Variants in GULP1 observed in about 807,000 individuals in gnomAD.
The protein encoded by GULP1 is GULP PTB domain containing engulfment adaptor 1.
GULP1 carries 19 observed loss-of-function variants against 40.9 expected under a neutral mutation model. The observed-to-expected ratio is 0.46, with a 90% confidence interval of 0.32 to 0.68. The LOEUF is 0.68. GULP1 is among the 30% of genes least tolerant of loss of function. GULP1 has a pLI of 0.03. For missense variants in GULP1, 312 were observed against 362.2 expected, an observed-to-expected ratio of 0.86 and a Z score of 1.12; for synonymous variants, 119 against 117.6, an observed-to-expected ratio of 1.01 and a Z score of -0.08.
intron 1 of GULP1, among the ~76,000 whole-genome samples, chr2:188,315,829 A>T (rs999449913): frequency 6.6e-6 from 1 of 152,134 alleles, no homozygotes; most frequent in African/African-American, 2.4e-5. Flanking sequence ...CGGTAATAAA[A>T]GTTATATGAA....
chr2:188,584,510 T>G (rs1447058197), intron 10 of GULP1, 107 bp downstream of exon 10: 4 of 470,230 alleles, frequency 8.5e-6, no homozygotes, highest in Admixed American at 8.0e-5. Flanking sequence ...TTACTTACAA[T>G]TTTAATTATT....
intron 2 of GULP1, among the ~76,000 whole-genome samples, chr2:188,427,653 T>C (rs2056379292): frequency 6.6e-6 from 1 of 152,364 alleles, no homozygotes; most frequent in South Asian, 2.1e-4. Context: ...AGCAGGTATA[T>C]ACAGTCTTAA....
At chr2:188,546,142 A>G (rs1157593455) in intron 7 of GULP1, among the ~76,000 whole-genome samples, 2 of 152,020 alleles carry the variant, frequency 1.3e-5, no homozygotes, top group Non-Finnish European at 2.9e-5. Flanking sequence ...TCGAAATTTT[A>G]CTGGCACTTT....
At chr2:188,409,854 A>G (rs1352429422) in intron 2 of GULP1, among the ~76,000 whole-genome samples, 3 of 152,208 alleles carry the variant, frequency 2.0e-5, no homozygotes, top group African/African-American at 7.2e-5. Context: ...AACAGAATGA[A>G]ATCCCTATGA....
chr2:188,302,679 G>A (rs1200054116), intron 1 of GULP1, among the ~76,000 whole-genome samples: 1 of 152,184 alleles, frequency 6.6e-6, no homozygotes, highest in African/African-American at 2.4e-5. Context: ...TCAGGCTCTT[G>A]TGCGTCCTCT....
intron 4 of GULP1, among the ~76,000 whole-genome samples, chr2:188,513,190 A>G (rs1057428829): frequency 2.0e-5 from 3 of 152,166 alleles, no homozygotes; most frequent in African/African-American, 7.2e-5. Flanking sequence ...GACATTTACT[A>G]GTTTGTAAAA....
chr2:188,509,213 C>G (rs752344009), intron 4 of GULP1, among the ~76,000 whole-genome samples: 2 of 152,066 alleles, frequency 1.3e-5, no homozygotes, highest in African/African-American at 4.8e-5. Context: ...CCTAGTGGCT[C>G]TGTAGGAGGC....
intron 4 of GULP1, among the ~76,000 whole-genome samples, chr2:188,501,746 G>A (rs1049511167): frequency 9.2e-5 from 14 of 152,062 alleles, no homozygotes; most frequent in African/African-American, 2.6e-4. Flanking sequence ...ACTACACAGC[G>A]TCTTAGAAAA....
At chr2:188,462,293 G>T (rs1303480039) in intron 2 of GULP1, among the ~76,000 whole-genome samples, 1 of 152,058 alleles carries the variant, frequency 6.6e-6, no homozygotes, top group Non-Finnish European at 1.5e-5. Flanking sequence ...AGAGATGCTT[G>T]ATATTATTTC....
chr2:188,422,424 A>T (rs998112695), intron 2 of GULP1, among the ~76,000 whole-genome samples: 1 of 151,234 alleles, frequency 6.6e-6, no homozygotes, highest in Non-Finnish European at 1.5e-5. Flanking sequence ...ATATATATTC[A>T]TAATTAAATT....
chr2:188,470,279 G>A (rs1018341914), intron 2 of GULP1, among the ~76,000 whole-genome samples: 6 of 151,992 alleles, frequency 3.9e-5, no homozygotes, highest in African/African-American at 1.2e-4. Flanking sequence ...TGGTTCAATC[G>A]TGATACATTT....
At chr2:188,395,904 T>G (rs1435179662) in intron 2 of GULP1, among the ~76,000 whole-genome samples, 1 of 152,158 alleles carries the variant, frequency 6.6e-6, no homozygotes, top group East Asian at 1.9e-4. Flanking sequence ...TTATTGATTA[T>G]AAATAGCCTT....
intron 2 of GULP1, among the ~76,000 whole-genome samples, chr2:188,476,840 C>A (rs1409564935): frequency 6.6e-6 from 1 of 152,050 alleles, no homozygotes; most frequent in African/African-American, 2.4e-5. Flanking sequence ...TCTTCTTAGA[C>A]CTTAATGTGA....
chr2:188,456,769 G>A (rs893535729), intron 2 of GULP1, among the ~76,000 whole-genome samples: 4 of 152,070 alleles, frequency 2.6e-5, no homozygotes, highest in Admixed American at 6.5e-5. Context: ...AGCTTGTACC[G>A]TGCACCTGGA....
intron 1 of GULP1, among the ~76,000 whole-genome samples, chr2:188,362,741 G>A (rs1574730721): frequency 6.6e-6 from 1 of 152,030 alleles, no homozygotes; most frequent in East Asian, 1.9e-4. Context: ...TATGGGTGTA[G>A]ATCCTTTCCA....
intron 5 of GULP1, among the ~76,000 whole-genome samples, chr2:188,523,469 C>T (rs933460579): frequency 2.0e-4 from 31 of 152,216 alleles, no homozygotes; most frequent in African/African-American, 7.2e-4. Context: ...TCTCGAAGGA[C>T]ATTGTTGTCA....
chr2:188,390,552 C>T (rs1284476734), intron 2 of GULP1, among the ~76,000 whole-genome samples: 1 of 152,028 alleles, frequency 6.6e-6, no homozygotes, highest in African/African-American at 2.4e-5. Flanking sequence ...TATTTTCTCC[C>T]ATTCTATGTG....
chr2:188,398,222 G>GTGC (rs1317440508), intron 2 of GULP1, among the ~76,000 whole-genome samples: 1 of 152,214 alleles, frequency 6.6e-6, no homozygotes, highest in Non-Finnish European at 1.5e-5. Flanking sequence ...CGGGGAGAAA[G>GTGC]TGCTACGTTT....
At chr2:188,521,137 C>G (rs1335956763) in intron 4 of GULP1, among the ~76,000 whole-genome samples, 1 of 149,364 alleles carries the variant, frequency 6.7e-6, no homozygotes, top group East Asian at 1.9e-4. Context: ...GTCACAAGAG[C>G]AAAAAAAAAT....
Sources: gnomAD v4.1 joint callset for allele counts (sites outside exome capture counted in the v4.1 genomes callset) on GRCh38, gnomAD v4.1.1 for gene constraint, MANE v1.5 for transcripts, NCBI Gene and HGNC (gene_info 2026-07-23, HGNC 2026-07-21) for gene names.